The following GALNT13 variants were observed in gnomAD, a reference collection of about 807,000 sequenced individuals.
GALNT13 encodes UDP-GalNAc:polypeptide N-acetylgalactosaminyltransferase 13.
GALNT13 carries 28 observed loss-of-function variants against 64.2 expected under a neutral mutation model. The observed-to-expected ratio is 0.44, with a 90% CI of 0.32 to 0.60. The LOEUF (loss-of-function observed/expected upper bound fraction) is 0.60, where lower values mean the gene tolerates loss of function less well. Among genes scored for constraint, GALNT13 ranks in the 20% least tolerant of loss-of-function variants. The pLI is 0.05. For synonymous variants in GALNT13, 214 were observed against 224.6 expected, an observed-to-expected ratio of 0.95 and a Z score of 0.42; for missense variants, 577 against 669.8, an observed-to-expected ratio of 0.86 and a Z score of 1.53.
chr2:154,062,502 G>A (rs1700239434), intron 3 of GALNT13, among the ~76,000 whole-genome samples: 1 of 152,110 alleles, frequency 6.6e-6, no homozygotes, highest in Admixed American at 6.5e-5. Flanking sequence ...AAGCATGGCT[G>A]GGAGGCCTCT....
chr2:153,911,151 G>A (rs1688910766), intron 2 of GALNT13, among the ~76,000 whole-genome samples: 1 of 152,122 alleles, frequency 6.6e-6, no homozygotes, highest in Non-Finnish European at 1.5e-5. Context: ...TTGTCAACCT[G>A]AATCCTTTAC....
chr2:153,854,332 C>A, the GALNT13 span, among the ~76,000 whole-genome samples: 3 of 151,988 alleles, frequency 2.0e-5, no homozygotes, highest in African/African-American at 4.8e-5. Context: ...GTAATCCCAG[C>A]ACTTTGGGAG....
chr2:153,514,409 T>C, the GALNT13 span, among the ~76,000 whole-genome samples: 2 of 152,212 alleles, frequency 1.3e-5, no homozygotes, highest in African/African-American at 4.8e-5. Flanking sequence ...ATTCTTACTC[T>C]TTTTGTTCCA....
the GALNT13 span, among the ~76,000 whole-genome samples, chr2:153,724,302 A>G: frequency 1.4e-5 from 2 of 138,542 alleles, no homozygotes; most frequent in East Asian, 2.1e-4. Context: ...ACAAAAATCA[A>G]TTCAAGATGG....
At chr2:153,826,000 T>C in the GALNT13 span, among the ~76,000 whole-genome samples, 1 of 152,092 alleles carries the variant, frequency 6.6e-6, no homozygotes, top group African/African-American at 2.4e-5. Context: ...CTAGAACATG[T>C]CTAATTACTC....
the GALNT13 span, among the ~76,000 whole-genome samples, chr2:153,206,999 G>T: frequency 2.0e-4 from 31 of 151,840 alleles, no homozygotes; most frequent in African/African-American, 7.5e-4. Flanking sequence ...ACTTCTAAAA[G>T]GTATGGACTC....
intron 8 of GALNT13, among the ~76,000 whole-genome samples, chr2:154,298,688 T>A (rs1693187672): frequency 8.7e-6 from 1 of 115,220 alleles, no homozygotes; most frequent in South Asian, 2.4e-4. Context: ...ATACAATTTA[T>A]ATATACATTG....
chr2:154,004,440 AT>A (rs1350946234), intron 3 of GALNT13, among the ~76,000 whole-genome samples: 1 of 152,096 alleles, frequency 6.6e-6, no homozygotes, highest in East Asian at 1.9e-4. Context: ...TCTTGACCTC[AT>A]GATCTGCCTG....
chr2:154,102,952 G>C (rs558756888), intron 3 of GALNT13, among the ~76,000 whole-genome samples: 159 of 152,042 alleles, frequency 1.0e-3, no homozygotes, highest in Non-Finnish European at 4.9e-4. Flanking sequence ...AGGTACTGCT[G>C]TTTGCTTTGG....
At chr2:154,328,246 C>G (rs1694982336) in intron 9 of GALNT13, among the ~76,000 whole-genome samples, 1 of 152,060 alleles carries the variant, frequency 6.6e-6, no homozygotes, top group Middle Eastern at 3.2e-3. Context: ...CTTTTGCTTT[C>G]TTTCCTTATT....
chr2:153,688,303 GAAACTTC>G, the GALNT13 span, among the ~76,000 whole-genome samples: 2 of 151,878 alleles, frequency 1.3e-5, no homozygotes, highest in African/African-American at 4.8e-5. Context: ...TCTGGACTTA[GAAACTTC>G]TTTTGGGAGA....
At chr2:153,995,631 C>T (rs1282998681) in intron 3 of GALNT13, among the ~76,000 whole-genome samples, 1 of 151,902 alleles carries the variant, frequency 6.6e-6, no homozygotes. Flanking sequence ...TTGATCTATC[C>T]CTCAATGTCT....
intron 10 of GALNT13, among the ~76,000 whole-genome samples, chr2:154,400,314 T>G (rs1699244655): frequency 6.6e-6 from 1 of 152,188 alleles, no homozygotes; most frequent in African/African-American, 2.4e-5. Flanking sequence ...ACAAGAACAA[T>G]ATTTCTTTGC....
chr2:153,425,884 T>C, the GALNT13 span, among the ~76,000 whole-genome samples: 7 of 151,812 alleles, frequency 4.6e-5, no homozygotes, highest in Admixed American at 2.6e-4. Context: ...TCTTCTTGAG[T>C]CATTCTGCTT....
At chr2:153,965,191 T>A (rs971467603) in intron 3 of GALNT13, among the ~76,000 whole-genome samples, 2 of 152,324 alleles carry the variant, frequency 1.3e-5, no homozygotes, top group Admixed American at 1.3e-4. Flanking sequence ...TACGATTTTT[T>A]TGTGTTAGGA....
the GALNT13 span, among the ~76,000 whole-genome samples, chr2:153,736,917 T>G: frequency 6.6e-6 from 1 of 152,206 alleles, no homozygotes; most frequent in African/African-American, 2.4e-5. Context: ...GCAGTTTCTC[T>G]TTTCCATCAA....
intron 2 of GALNT13, among the ~76,000 whole-genome samples, chr2:153,936,800 C>T (rs1006971844): frequency 2.0e-5 from 3 of 151,790 alleles, no homozygotes; most frequent in African/African-American, 7.3e-5. Context: ...GGCTCACTGC[C>T]ATCTCCACCT....
chr2:154,154,293 A>G (rs909473755), intron 4 of GALNT13, among the ~76,000 whole-genome samples: 1 of 152,242 alleles, frequency 6.6e-6, no homozygotes, highest in African/African-American at 2.4e-5. Context: ...GGAATGGAAA[A>G]TGATGATACA....
chr2:154,148,957 T>C (rs571258094), intron 4 of GALNT13, among the ~76,000 whole-genome samples: 10 of 152,306 alleles, frequency 6.6e-5, no homozygotes, highest in African/African-American at 2.4e-4. Flanking sequence ...CAGTTTTGGC[T>C]TTTGTTGCCA....
Sources: gnomAD v4.1 joint callset for allele counts (sites outside exome capture counted in the v4.1 genomes callset) on GRCh38, gnomAD v4.1.1 for gene constraint, MANE v1.5 for transcripts, NCBI Gene and HGNC (gene_info 2026-07-23, HGNC 2026-07-21) for gene names.